The following ABHD12 variants were observed in gnomAD, a reference collection of about 807,000 sequenced individuals.
ABHD12 encodes abhydrolase domain containing 12, lysophospholipase, also known as lysophosphatidylserine lipase ABHD12.
Under a neutral mutation model 58.3 loss-of-function variants are expected in ABHD12, and 43 were observed. The observed-to-expected ratio is 0.74, with a 90% CI of 0.58 to 0.95. The LOEUF is 0.95. Among genes scored for constraint, ABHD12 ranks in the 40% least tolerant of loss-of-function variants. The pLI is 0.00. For synonymous variants in ABHD12, 219 were observed against 211.2 expected (o/e 1.04, Z -0.32); for missense variants, 539 against 537.2 (o/e 1.00, Z -0.03).
intron 1 of ABHD12, among the ~76,000 whole-genome samples, chr20:25,375,773 C>T (rs1273011782): frequency 1.3e-5 from 2 of 151,686 alleles, no homozygotes; most frequent in South Asian, 4.2e-4. Flanking sequence ...TGGGTTATTT[C>T]CGGGTAAATT....
chr20:25,374,447 G>A (rs1332456223), intron 1 of ABHD12, among the ~76,000 whole-genome samples: 1 of 152,128 alleles, frequency 6.6e-6, no homozygotes, highest in Non-Finnish European at 1.5e-5. Context: ...GATTTTCCAT[G>A]ACTCTCCACT....
intron 1 of ABHD12, among the ~76,000 whole-genome samples, chr20:25,385,637 A>T (rs977088937): frequency 2.0e-5 from 3 of 152,026 alleles, no homozygotes; most frequent in Non-Finnish European, 2.9e-5. Context: ...CTTGAGAGAG[A>T]AGTTCAAGAC....
At position 25,352,656 on chromosome 20, in the gene ABHD12, T is replaced by C. The variant is rs112892468; in HGVS notation, c.192-13305A>G. Among the ~76,000 whole-genome samples, 181 of 152,336 alleles carry C rather than the reference T, an allele frequency of 1.2e-3. 1 individual carries two copies. Among genetic ancestry groups the C allele is most frequent in the African/African-American group, 4.2e-3 (173 of 41,580 alleles). On this transcript the variant is annotated intron_variant, in intron 1 of 12. Transcript: ENST00000339157. ...ACTGCTAATTAAGTGACTATCTGTA[T>C]CTCTCAAGCTCAGGACAGTGTTCTT...
intron 1 of ABHD12, among the ~76,000 whole-genome samples, chr20:25,381,626 C>CT (rs776504228): frequency 0.59 from 83,643 of 141,928 alleles, 25,352 homozygotes; most frequent in African/African-American, 0.72. Context: ...TCAGTACCCT[C>CT]TTTTTTTTTT....
downstream of ABHD12, chr20:25,295,576 T>C: frequency 6.2e-7 from 1 of 1,606,874 alleles, no homozygotes; most frequent in East Asian, 2.2e-5. Flanking sequence ...CCTGCTGCCC[T>C]GGCCCAGCCT....
exon 13 of ABHD12, chr20:25,294,911 C>T: frequency 3.9e-6 from 6 of 1,550,290 alleles, no homozygotes; most frequent in South Asian, 1.1e-5. Context: ...TTTCAGCTGC[C>T]TTTGGGTTAG....
intron 1 of ABHD12, among the ~76,000 whole-genome samples, chr20:25,353,606 T>C (rs748158207): frequency 6.6e-6 from 1 of 152,150 alleles, no homozygotes; most frequent in Admixed American, 6.5e-5. Context: ...GGGTTCACTT[T>C]AGAGCAGGAC....
chr20:25,360,455 G>A (rs1487849551), intron 1 of ABHD12, among the ~76,000 whole-genome samples: 1 of 151,406 alleles, frequency 6.6e-6, no homozygotes, highest in African/African-American at 2.4e-5. Context: ...TGGCCAGGCT[G>A]GTCTTGAACT....
At chr20:25,322,381 A>ATATATATATT in intron 3 of ABHD12, among the ~76,000 whole-genome samples, 22 of 59,266 alleles carry the variant, frequency 3.7e-4, no homozygotes, top group African/African-American at 1.5e-3. Context: ...ATATATATAT[A>ATATATATATT]TTTTTTTTTT....
At chr20:25,312,259 G>A (rs1017055741) in intron 6 of ABHD12, among the ~76,000 whole-genome samples, 6 of 152,106 alleles carry the variant, frequency 3.9e-5, no homozygotes, top group Non-Finnish European at 7.4e-5. Flanking sequence ...CCGCCATCTC[G>A]GCTCACTGCA....
At chr20:25,311,673 A>C (rs2088851742) in intron 6 of ABHD12, among the ~76,000 whole-genome samples, 1 of 152,124 alleles carries the variant, frequency 6.6e-6, no homozygotes, top group Admixed American at 6.5e-5. Flanking sequence ...TCAACTCTTT[A>C]ATCTCTCCAG....
At chr20:25,318,446 G>T (rs985317031) in intron 4 of ABHD12, among the ~76,000 whole-genome samples, 3 of 152,204 alleles carry the variant, frequency 2.0e-5, no homozygotes, top group Non-Finnish European at 4.4e-5. Context: ...AGCAAAAAAG[G>T]AACAGTTGCT....
intron 1 of ABHD12, among the ~76,000 whole-genome samples, chr20:25,384,619 C>T (rs2090064406): frequency 6.6e-6 from 1 of 152,046 alleles, no homozygotes; most frequent in Non-Finnish European, 1.5e-5. Context: ...GTGGTGGGTG[C>T]CTGTAGTCCC....
chr20:25,359,144 G>A (rs899917102), intron 1 of ABHD12, among the ~76,000 whole-genome samples: 6 of 151,400 alleles, frequency 4.0e-5, no homozygotes, highest in Non-Finnish European at 7.4e-5. Context: ...TCTATTGGCC[G>A]GGCGTGGTGG....
At chr20:25,356,122 G>A (rs1202048141) in intron 1 of ABHD12, among the ~76,000 whole-genome samples, 9 of 152,142 alleles carry the variant, frequency 5.9e-5, no homozygotes, top group Admixed American at 5.9e-4. Flanking sequence ...GATGAAGAAG[G>A]GCATACCCTG....
chr20:25,368,094 T>A (rs540316569), intron 1 of ABHD12, among the ~76,000 whole-genome samples: 1 of 152,338 alleles, frequency 6.6e-6, no homozygotes, highest in Non-Finnish European at 1.5e-5. Flanking sequence ...TTCATAATCA[T>A]AAACTTAACA....
At chr20:25,301,110 T>A (rs1161468822) in intron 12 of ABHD12, among the ~76,000 whole-genome samples, 3 of 152,216 alleles carry the variant, frequency 2.0e-5, no homozygotes, top group Admixed American at 2.0e-4. Flanking sequence ...AGACAAGGTC[T>A]CTGATTCTTG....
rs141518741 is a variant in ABHD12, at chr20:25,320,217, T to C, written c.524A>G (p.His175Arg). 3 of 1,614,082 alleles carry C rather than the reference T, an allele frequency of 1.9e-6. No homozygotes were observed. Among genetic ancestry groups the C allele is most frequent in the Middle Eastern group, 1.6e-4 (1 of 6,062 alleles). Residue 175 changes from histidine (H) to arginine (R), a missense_variant, in exon 4 of 13, where the codon CAT becomes CGT. His to Arg is a conservative substitution (Grantham distance 29). Transcript: ENST00000339157. ...CCCTCACCTGGTACCTGCGTTCCCA[T>C]GCAGGTACAGAATGATAGGGTGGCT... ...ASSHPIILYL[H>R]GNAGTRGGDH... is the part of the protein sequence containing the mutation.
At chr20:25,323,225 TG>T (rs2089112920) in intron 3 of ABHD12, 99 bp downstream of exon 3, 3 of 797,104 alleles carry the variant, frequency 3.8e-6, no homozygotes, top group Non-Finnish European at 6.9e-6. Flanking sequence ...AAGATAAAAA[TG>T]AACAACATTT....
Sources: gnomAD v4.1 joint callset for allele counts (sites outside exome capture counted in the v4.1 genomes callset) on GRCh38, gnomAD v4.1.1 for gene constraint, MANE v1.5 for transcripts, NCBI Gene and HGNC (gene_info 2026-07-23, HGNC 2026-07-21) for gene names.